Variants in IMMP2L observed in about 807,000 individuals in gnomAD.
IMMP2L encodes inner mitochondrial membrane peptidase subunit 2, also known as mitochondrial inner membrane protease subunit 2.
IMMP2L carries 18 observed loss-of-function variants against 19.3 expected under a neutral mutation model. The observed-to-expected ratio is 0.93, with a 90% CI of 0.64 to 1.38. The LOEUF (loss-of-function observed/expected upper bound fraction) is 1.38. IMMP2L is among the 40% of genes most tolerant of loss of function. The pLI is 0.00. For missense variants in IMMP2L, 233 were observed against 218.2 expected (o/e 1.07, Z -0.43); for synonymous variants, 76 against 73.0 (o/e 1.04, Z -0.21).
At chr7:110,739,970 T>C (rs187585270) in intron 5 of IMMP2L, among the ~76,000 whole-genome samples, 174 of 152,230 alleles carry the variant, frequency 1.1e-3, no homozygotes, top group African/African-American at 4.0e-3. Flanking sequence ...ATTGTTGGGT[T>C]AACAATGAAA....
intron 3 of IMMP2L, among the ~76,000 whole-genome samples, chr7:111,096,025 G>T (rs560891442): frequency 6.6e-6 from 1 of 151,768 alleles, no homozygotes; most frequent in African/African-American, 2.4e-5. Flanking sequence ...GTTTTTAAAT[G>T]TGCTCTCCAA....
At chr7:110,900,960 C>A (rs771142572) in intron 4 of IMMP2L, among the ~76,000 whole-genome samples, 1 of 151,996 alleles carries the variant, frequency 6.6e-6, no homozygotes, top group Non-Finnish European at 1.5e-5. Flanking sequence ...TTCAATGTTC[C>A]TCCAGACATA....
At chr7:110,845,929 C>G (rs1461009920) in intron 5 of IMMP2L, among the ~76,000 whole-genome samples, 1 of 152,038 alleles carries the variant, frequency 6.6e-6, no homozygotes, top group Admixed American at 6.6e-5. Context: ...AACTATAAAC[C>G]AGGAAACAGG....
At chr7:110,790,140 C>T (rs766301210) in intron 5 of IMMP2L, among the ~76,000 whole-genome samples, 22 of 151,404 alleles carry the variant, frequency 1.5e-4, no homozygotes, top group Non-Finnish European at 7.4e-5. Flanking sequence ...CATAAATATT[C>T]CTTATTGTTA....
rs1792138001 is a variant in IMMP2L at position 111,562,083 on chromosome 7, AGGACTG to A, written c.-241_-236del. ...GGGGGCCGGACTAGGCCCCTTTGTG[AGGACTG>A]GGAGAGGGCGCGTTGTTGGGGCGCC... On this transcript the variant is annotated 5_prime_UTR_variant, in exon 1 of 6. Transcript: ENST00000405709. 6.6e-6 allele frequency: 1 copy of A among 152,128 alleles called. No homozygotes were observed. The highest frequency in any genetic ancestry group is 6.5e-5 in the Admixed American group (1 of 15,280). The allele number at this position is 152,128 out of a possible 1,614,324, so 9.4% of individuals were successfully genotyped here.
At chr7:110,889,944 G>A (rs999247195) in intron 4 of IMMP2L, among the ~76,000 whole-genome samples, 8 of 152,124 alleles carry the variant, frequency 5.3e-5, no homozygotes, top group South Asian at 2.1e-4. Context: ...TAAGTAAAGC[G>A]CTGAGTATAG....
chr7:110,850,349 C>T (rs990345688), intron 5 of IMMP2L, among the ~76,000 whole-genome samples: 5 of 152,114 alleles, frequency 3.3e-5, no homozygotes, highest in Non-Finnish European at 7.4e-5. Context: ...CCAGAAGTTA[C>T]CACCTTTCTC....
intron 3 of IMMP2L, among the ~76,000 whole-genome samples, chr7:111,100,365 TC>T (rs1169978382): frequency 2.7e-5 from 4 of 149,800 alleles, no homozygotes; most frequent in African/African-American, 4.9e-5. Flanking sequence ...GTTTTAAACT[TC>T]TCAGCCAAGA....
intron 3 of IMMP2L, among the ~76,000 whole-genome samples, chr7:111,267,909 A>T (rs1818000166): frequency 6.6e-6 from 1 of 152,144 alleles, no homozygotes; most frequent in Non-Finnish European, 1.5e-5. Context: ...GTATCATTAC[A>T]GAGTATCTTT....
chr7:111,509,435 T>A (rs1287652486), intron 2 of IMMP2L, among the ~76,000 whole-genome samples: 1 of 152,148 alleles, frequency 6.6e-6, no homozygotes, highest in Non-Finnish European at 1.5e-5. Context: ...AATCAAAAGT[T>A]AACATGCTCC....
At chr7:111,358,791 T>C (rs569889172) in intron 3 of IMMP2L, among the ~76,000 whole-genome samples, 3 of 152,190 alleles carry the variant, frequency 2.0e-5, no homozygotes, top group South Asian at 4.1e-4. Flanking sequence ...CAACTGGAAA[T>C]GGGAGAAAGT....
At chr7:111,013,731 G>A (rs1825211010) in intron 3 of IMMP2L, among the ~76,000 whole-genome samples, 1 of 151,968 alleles carries the variant, frequency 6.6e-6, no homozygotes, top group Non-Finnish European at 1.5e-5. Context: ...TGTAACTTAG[G>A]CAATATTATA....
chr7:111,038,848 T>C (rs1306605854), intron 3 of IMMP2L, among the ~76,000 whole-genome samples: 1 of 152,082 alleles, frequency 6.6e-6, no homozygotes, highest in Non-Finnish European at 1.5e-5. Context: ...ATCCAGGGAA[T>C]TGAATATTGG....
At chr7:110,928,634 GA>G (rs534657762) in intron 4 of IMMP2L, among the ~76,000 whole-genome samples, 399 of 151,956 alleles carry the variant, frequency 2.6e-3, no homozygotes, top group Admixed American at 5.4e-3. Flanking sequence ...AGAAAACAAA[GA>G]TACTTTCATA....
chr7:110,869,583 C>T (rs1330718360), intron 5 of IMMP2L, among the ~76,000 whole-genome samples: 1 of 152,082 alleles, frequency 6.6e-6, no homozygotes, highest in Non-Finnish European at 1.5e-5. Flanking sequence ...CATGGCCTGG[C>T]CTTGCATTTG....
intron 3 of IMMP2L, chr7:111,392,800 A>C (rs368955310): frequency 1.5e-5 from 7 of 456,452 alleles, no homozygotes; most frequent in South Asian, 9.3e-5. Flanking sequence ...CACTTTACTT[A>C]CCATTACTGG....
intron 5 of IMMP2L, among the ~76,000 whole-genome samples, chr7:110,726,368 G>A (rs1178931681): frequency 6.6e-6 from 1 of 152,072 alleles, no homozygotes. Context: ...GTGCACAAAA[G>A]CATGGAAATC....
At chr7:110,862,583 T>C (rs563629122) in intron 5 of IMMP2L, among the ~76,000 whole-genome samples, 8 of 151,796 alleles carry the variant, frequency 5.3e-5, no homozygotes, top group African/African-American at 1.9e-4. Context: ...TGGCCTCAAG[T>C]GATCCTCCTG....
intron 4 of IMMP2L, among the ~76,000 whole-genome samples, chr7:110,887,140 T>C (rs1810303266): frequency 6.6e-6 from 1 of 152,072 alleles, no homozygotes; most frequent in Non-Finnish European, 1.5e-5. Flanking sequence ...AGACAACACT[T>C]TTCATAACCT....
Sources: gnomAD v4.1 joint callset for allele counts (sites outside exome capture counted in the v4.1 genomes callset) on GRCh38, gnomAD v4.1.1 for gene constraint, MANE v1.5 for transcripts, NCBI Gene and HGNC (gene_info 2026-07-23, HGNC 2026-07-21) for gene names.